The following HDAC9 variants were observed in gnomAD, a reference collection of about 807,000 sequenced individuals.
HDAC9 encodes histone deacetylase 9.
A neutral mutation model predicts 139.4 loss-of-function variants in HDAC9; 41 were observed. That is an observed-to-expected ratio of 0.29 (90% confidence interval 0.23 to 0.38). The LOEUF is 0.38. Ranked by LOEUF, HDAC9 falls within the 10% of genes least tolerant of loss-of-function variation. The probability of loss-of-function intolerance (pLI) is 1.00; values close to 1 mark genes in which losing one functional copy is unlikely to be tolerated. For synonymous variants in HDAC9, 517 were observed against 476.2 expected, an observed-to-expected ratio of 1.09 and a Z score of -1.12; for missense variants, 1,147 against 1,297.0, an observed-to-expected ratio of 0.88 and a Z score of 1.78.
chr7:18,965,158 C>G (rs1783766410), intron 24 of HDAC9, among the ~76,000 whole-genome samples: 1 of 152,120 alleles, frequency 6.6e-6, no homozygotes, highest in Non-Finnish European at 1.5e-5. Context: ...CATCTATTAC[C>G]CCTTAATCTG....
intron 25 of HDAC9, among the ~76,000 whole-genome samples, chr7:18,986,748 G>C (rs144557534): frequency 0.11 from 17,293 of 152,030 alleles, 1,021 homozygotes; most frequent in Middle Eastern, 0.15. Flanking sequence ...TTATTTCCTT[G>C]AGCAGTGGTT....
intron 1 of HDAC9, among the ~76,000 whole-genome samples, chr7:18,349,555 G>T (rs1336229954): frequency 6.6e-6 from 1 of 151,892 alleles, no homozygotes; most frequent in East Asian, 1.9e-4. Context: ...ATAAATATTT[G>T]ATTCTCAAAC....
intron 1 of HDAC9, among the ~76,000 whole-genome samples, chr7:18,114,935 C>CATTT (rs1222913845): frequency 6.6e-6 from 1 of 152,140 alleles, no homozygotes; most frequent in African/African-American, 2.4e-5. Context: ...TTAAGGCAAC[C>CATTT]ATTTGTTCAT....
chr7:18,800,471 C>G (rs560357027), intron 17 of HDAC9, among the ~76,000 whole-genome samples: 40 of 152,216 alleles, frequency 2.6e-4, no homozygotes, highest in African/African-American at 8.4e-4. Flanking sequence ...ATGATTGAGT[C>G]TATTTGTTTC....
At chr7:18,590,592 C>A (rs1372004314) in intron 4 of HDAC9, 106 bp downstream of exon 4, 6 of 1,119,484 alleles carry the variant, frequency 5.4e-6, no homozygotes, top group African/African-American at 3.2e-5. Context: ...TCAAAATTAT[C>A]TGTGTTTAAT....
intron 16 of HDAC9, among the ~76,000 whole-genome samples, chr7:18,770,707 G>A (rs1337017145): frequency 2.6e-5 from 4 of 152,230 alleles, no homozygotes; most frequent in South Asian, 4.1e-4. Context: ...CAGACTCTGC[G>A]CTTCTTTTAT....
chr7:18,526,364 TA>T (rs1390137546), intron 2 of HDAC9, among the ~76,000 whole-genome samples: 1 of 152,158 alleles, frequency 6.6e-6, no homozygotes, highest in Non-Finnish European at 1.5e-5. Flanking sequence ...TCACTACCTA[TA>T]AAGATAGCAA....
chr7:18,281,299 A>G (rs1172443679), intron 2 of HDAC9, among the ~76,000 whole-genome samples: 1 of 152,146 alleles, frequency 6.6e-6, no homozygotes, highest in Non-Finnish European at 1.5e-5. Flanking sequence ...CTATTCACTG[A>G]CTTATATTCA....
At chr7:18,137,639 A>G (rs1785528817) in intron 1 of HDAC9, among the ~76,000 whole-genome samples, 1 of 150,620 alleles carries the variant, frequency 6.6e-6, no homozygotes, top group Admixed American at 6.6e-5. Context: ...CCAGCCTTGC[A>G]TCCCAGGGAT....
At chr7:18,179,336 G>C (rs1789201990) in intron 2 of HDAC9, among the ~76,000 whole-genome samples, 2 of 152,170 alleles carry the variant, frequency 1.3e-5, no homozygotes, top group African/African-American at 4.8e-5. Context: ...ATAGGGACTT[G>C]CCCCAGTCCA....
At chr7:18,536,029 A>G (rs1810792004) in intron 2 of HDAC9, among the ~76,000 whole-genome samples, 1 of 152,192 alleles carries the variant, frequency 6.6e-6, no homozygotes, top group Non-Finnish European at 1.5e-5. Context: ...TCTTGTCTGC[A>G]TAAACCTCTC....
chr7:18,765,604 C>CA lies in HDAC9; in HGVS notation c.2165-1493dup, dbSNP rs1024939460. On this transcript the variant is annotated intron_variant, in intron 15 of 25. Transcript: ENST00000686413. ...TAAGCAACAGAGTGAGACTCCATCTCAAAAAAAAATTAACTTACTATGTTA... is the reference window on the plus strand; with the variant it reads ...TAAGCAACAGAGTGAGACTCCATCTCAAAAAAAAAATTAACTTACTATGTTA... Among the ~76,000 whole-genome samples, 11 of 150,766 alleles carry CA rather than the reference C, an allele frequency of 7.3e-5. No homozygotes were observed. In the South Asian group the frequency reaches 1.3e-3, roughly 17 times the overall value.
intron 1 of HDAC9, among the ~76,000 whole-genome samples, chr7:18,388,721 C>G (rs1014840315): frequency 6.6e-6 from 1 of 152,158 alleles, no homozygotes; most frequent in Non-Finnish European, 1.5e-5. Context: ...AAACAACAGA[C>G]TGGGGGAATT....
intron 12 of HDAC9, among the ~76,000 whole-genome samples, chr7:18,725,979 G>A (rs1023040492): frequency 2.6e-5 from 4 of 152,160 alleles, no homozygotes; most frequent in Non-Finnish European, 5.9e-5. Flanking sequence ...TTGATTGATG[G>A]TTTGATTATT....
chr7:18,514,315 AC>A (rs1802504071), intron 2 of HDAC9, among the ~76,000 whole-genome samples: 1 of 152,232 alleles, frequency 6.6e-6, no homozygotes, highest in Non-Finnish European at 1.5e-5. Flanking sequence ...ACTATTTATT[AC>A]CATCTTAGTA....
intron 22 of HDAC9, among the ~76,000 whole-genome samples, chr7:18,886,165 A>C (rs191470103): frequency 1.4e-4 from 20 of 142,580 alleles, no homozygotes; most frequent in African/African-American, 5.5e-4. Flanking sequence ...GTTCGCTCTT[A>C]CTCTGCATTC....
intron 22 of HDAC9, among the ~76,000 whole-genome samples, chr7:18,934,702 A>C (rs1289511994): frequency 6.6e-6 from 1 of 152,178 alleles, no homozygotes; most frequent in East Asian, 1.9e-4. Context: ...ATGTGACTTA[A>C]CTGGAATTCT....
intron 6 of HDAC9, among the ~76,000 whole-genome samples, chr7:18,614,766 G>C (rs536466615): frequency 6.6e-6 from 1 of 152,250 alleles, no homozygotes; most frequent in South Asian, 2.1e-4. Flanking sequence ...TAGAAAAATA[G>C]TGTTCTTCTT....
At chr7:18,166,618 AGCAT>A (rs1788030340) in intron 2 of HDAC9, among the ~76,000 whole-genome samples, 1 of 152,238 alleles carries the variant, frequency 6.6e-6, no homozygotes. Context: ...CTTCTCTGCA[AGCAT>A]TTTTAAAGAG....
Sources: allele counts gnomAD v4.1 joint callset (sites outside exome capture counted in the v4.1 genomes callset), GRCh38; gene constraint gnomAD v4.1.1; transcripts MANE v1.5; gene names NCBI Gene and HGNC (gene_info 2026-07-23, HGNC 2026-07-21).